RBFOX1: variants seen among roughly 807,000 people sequenced by gnomAD.
RBFOX1 encodes RNA binding fox-1 homolog 1.
A neutral mutation model predicts 57.7 loss-of-function variants in RBFOX1; 8 were observed. That is an observed-to-expected ratio of 0.14 (90% confidence interval 0.08 to 0.25). The LOEUF is 0.25. RBFOX1 is among the 10% of genes least tolerant of loss of function. The probability of loss-of-function intolerance (pLI) is 1.00; values close to 1 mark genes in which losing one functional copy is unlikely to be tolerated. For missense variants in RBFOX1, 611 were observed against 548.5 expected, an observed-to-expected ratio of 1.11 and a Z score of -1.14; for synonymous variants, 326 against 222.4, an observed-to-expected ratio of 1.47 and a Z score of -4.15.
At chr16:7,153,128 T>C (rs2076410828) in intron 4 of RBFOX1, among the ~76,000 whole-genome samples, 1 of 152,148 alleles carries the variant, frequency 6.6e-6, no homozygotes, top group Non-Finnish European at 1.5e-5. Flanking sequence ...AGAGAAAAAT[T>C]AAAGCAGCTG....
chr16:7,139,168 A>ACC (rs1555504493), intron 4 of RBFOX1, among the ~76,000 whole-genome samples: 9 of 139,406 alleles, frequency 6.5e-5, no homozygotes, highest in Non-Finnish European at 1.4e-4. Flanking sequence ...GATGAAATCA[A>ACC]TCTCTCTCTG....
chr16:6,607,549 C>G (rs1341970199), intron 2 of RBFOX1, among the ~76,000 whole-genome samples: 1 of 146,552 alleles, frequency 6.8e-6, no homozygotes, highest in Non-Finnish European at 1.5e-5. Flanking sequence ...TTTCTTCCTC[C>G]TCTTTCCCTC....
chr16:6,591,228 T>TTG (rs2097706029), intron 2 of RBFOX1, among the ~76,000 whole-genome samples: 1 of 152,134 alleles, frequency 6.6e-6, no homozygotes, highest in Non-Finnish European at 1.5e-5. Flanking sequence ...GGTGGATCAC[T>TTG]TGAGGCCAGG....
At chr16:5,815,235 C>A (rs1281605914) in intron 3 of RBFOX1, among the ~76,000 whole-genome samples, 3 of 140,558 alleles carry the variant, frequency 2.1e-5, no homozygotes, top group East Asian at 2.1e-4. Flanking sequence ...CTCAAGTAAT[C>A]CTCCTGTCTC....
At chr16:6,080,974 A>G (rs1424765474) in intron 1 of RBFOX1, among the ~76,000 whole-genome samples, 1 of 152,210 alleles carries the variant, frequency 6.6e-6, no homozygotes, top group Non-Finnish European at 1.5e-5. Context: ...AGTACCACCA[A>G]TTTGAAGACT....
chr16:6,070,610 A>T (rs1050900397), intron 1 of RBFOX1, among the ~76,000 whole-genome samples: 3 of 152,198 alleles, frequency 2.0e-5, no homozygotes, highest in Non-Finnish European at 2.9e-5. Flanking sequence ...TGGAGAGGCA[A>T]ATTCATAGGT....
rs191468022 is a variant in RBFOX1 at position 6,279,272 on chromosome 16, G to A, written c.-126-37723G>A. ...ATTTCTGTATCTGGCACCTAGCTAA[G>A]GAAATGGCTGTTTTATCCTCATTAG... On this transcript the variant is annotated intron_variant, in intron 1 of 15. Transcript: ENST00000550418. 2.6e-5 allele frequency among the ~76,000 whole-genome samples: 4 copies of A among 152,250 alleles called. No individual in the cohort carries two copies. The East Asian group carries it at 7.7e-4, about 29-fold the overall frequency.
intron 4 of RBFOX1, among the ~76,000 whole-genome samples, chr16:7,068,708 C>T (rs1414298157): frequency 1.3e-5 from 2 of 152,126 alleles, no homozygotes; most frequent in East Asian, 1.9e-4. Flanking sequence ...CTGTCTCAGC[C>T]TCCCAAGTAG....
At chr16:5,515,804 G>T (rs1480199838) in intron 2 of RBFOX1, among the ~76,000 whole-genome samples, 1 of 152,152 alleles carries the variant, frequency 6.6e-6, no homozygotes, top group African/African-American at 2.4e-5. Context: ...CCTTCTAAGA[G>T]GGCAGGAAAT....
chr16:7,675,054 C>G (rs547522146), intron 13 of RBFOX1, among the ~76,000 whole-genome samples: 7 of 152,302 alleles, frequency 4.6e-5, no homozygotes, highest in Admixed American at 6.5e-5. Flanking sequence ...AACTTTAAGC[C>G]TGTTGCAGCT....
At chr16:7,075,612 G>T (rs900231705) in intron 4 of RBFOX1, among the ~76,000 whole-genome samples, 1 of 151,340 alleles carries the variant, frequency 6.6e-6, no homozygotes, top group South Asian at 2.1e-4. Flanking sequence ...ACGGAGTCTC[G>T]CTCTGTTGCG....
intron 4 of RBFOX1, among the ~76,000 whole-genome samples, chr16:7,107,584 T>G (rs2063833957): frequency 6.6e-6 from 1 of 152,126 alleles, no homozygotes; most frequent in Non-Finnish European, 1.5e-5. Flanking sequence ...TGAACATCTG[T>G]CACCCCAGAA....
chr16:5,630,429 C>G (rs2048470694), intron 3 of RBFOX1, among the ~76,000 whole-genome samples: 1 of 151,924 alleles, frequency 6.6e-6, no homozygotes, highest in South Asian at 2.1e-4. Context: ...TGCACTCCAG[C>G]CTGGGTGACA....
chr16:5,692,786 G>A (rs995745939), intron 3 of RBFOX1, among the ~76,000 whole-genome samples: 2 of 152,012 alleles, frequency 1.3e-5, no homozygotes, highest in East Asian at 1.9e-4. Context: ...ACAAGAAAAC[G>A]CACAGAGTCC....
At chr16:6,866,506 A>G (rs185383427) in intron 3 of RBFOX1, among the ~76,000 whole-genome samples, 2 of 148,294 alleles carry the variant, frequency 1.3e-5, no homozygotes, top group African/African-American at 5.0e-5. Context: ...ACTTTTTTTA[A>G]AAAAAAAAAT....
At chr16:6,169,980 GCTGGTCTCAAATGC>G (rs2096947394) in intron 1 of RBFOX1, among the ~76,000 whole-genome samples, 1 of 152,074 alleles carries the variant, frequency 6.6e-6, no homozygotes, top group African/African-American at 2.4e-5. Flanking sequence ...TGTTGGCCAG[GCTGGTCTCAAATGC>G]CTGACCTTAA....
intron 4 of RBFOX1, among the ~76,000 whole-genome samples, chr16:5,943,677 G>C (rs572483204): frequency 7.2e-5 from 11 of 152,296 alleles, no homozygotes; most frequent in African/African-American, 2.6e-4. Flanking sequence ...CCAGAAATCT[G>C]AGAATTCGAA....
intron 2 of RBFOX1, among the ~76,000 whole-genome samples, chr16:6,645,925 G>C (rs574379234): frequency 6.6e-6 from 1 of 152,092 alleles, no homozygotes; most frequent in African/African-American, 2.4e-5. Flanking sequence ...GGTTGAGTCC[G>C]GTAGGATAAA....
intron 4 of RBFOX1, among the ~76,000 whole-genome samples, chr16:7,196,361 T>G (rs1389765009): frequency 6.6e-6 from 1 of 152,148 alleles, no homozygotes; most frequent in East Asian, 1.9e-4. Context: ...CCACCCTGCT[T>G]CACTCCCCCT....
Sources: allele counts gnomAD v4.1 joint callset (sites outside exome capture counted in the v4.1 genomes callset), GRCh38; gene constraint gnomAD v4.1.1; transcripts MANE v1.5; gene names NCBI Gene and HGNC (gene_info 2026-07-23, HGNC 2026-07-21).